The following USP14 variants were observed in gnomAD, a reference collection of about 807,000 sequenced individuals.
USP14 encodes the protein ubiquitin specific peptidase 14.
A neutral mutation model predicts 76.5 loss-of-function variants in USP14; 38 were observed. The ratio of observed to expected loss-of-function variants is 0.50; its 90% CI spans 0.38 to 0.65. The LOEUF is 0.65. Ranked by LOEUF, USP14 falls within the 30% of genes least tolerant of loss-of-function variation. USP14 has a pLI of 0.00. For synonymous variants in USP14, 192 were observed against 191.7 expected (o/e 1.00, Z -0.01); for missense variants, 467 against 586.5 (o/e 0.80, Z 2.10).
Position 158,674 on chromosome 18 carries a change from C to A in USP14, c.-25C>A. The A allele has an allele frequency of 6.6e-7, 1 of 1,518,666 alleles. No individual in the cohort carries two copies. Among genetic ancestry groups the A allele is most frequent in the Non-Finnish European group, 8.8e-7 (1 of 1,141,154 alleles). The allele number at this position is 1,518,666 out of a possible 1,614,324, so 94.1% of individuals were successfully genotyped here. A position where few individuals can be genotyped will look rare whatever the true frequency, so the allele number is the denominator to read the frequency against. On this transcript the variant is annotated 5_prime_UTR_variant, in exon 1 of 16. Coordinates refer to ENST00000261601, the MANE Select transcript of USP14 (RefSeq NM_005151.4). The stretch of plus-strand genomic sequence containing the variant: ...CCTCGTCAGGCCCAGCTCTCCTGCG[C>A]CGCCGCCTCCCGCCGCGCCCCGCCA...
intron 6 of USP14, among the ~76,000 whole-genome samples, chr18:196,158 T>TA (rs555174074): frequency 1.3e-4 from 20 of 151,358 alleles, no homozygotes; most frequent in African/African-American, 4.8e-4. Context: ...CTGTCTCTAC[T>TA]AAAAAAAATG....
chr18:197,575 C>G, intron 7 of USP14, 41 bp from the exon 8 acceptor site: 1 of 1,498,762 alleles, frequency 6.7e-7, no homozygotes, highest in Middle Eastern at 1.7e-4. Flanking sequence ...GTAGATCATT[C>G]ACTGCCAGGA....
chr18:182,865 A>G (rs1342618750), intron 5 of USP14, among the ~76,000 whole-genome samples: 1 of 152,172 alleles, frequency 6.6e-6, no homozygotes, highest in Non-Finnish European at 1.5e-5. Context: ...CTGGAGAAGG[A>G]TGGATGTAGA....
rs555067192 is a variant in USP14, at chr18:164,971, G to C, written c.162+1518G>C. Among the ~76,000 whole-genome samples, 314 of 151,920 alleles carry C rather than the reference G, an allele frequency of 2.1e-3. 2 individuals carry two copies. The highest frequency in any genetic ancestry group is 6.9e-3 in the African/African-American group (285 of 41,462). On this transcript the variant is annotated intron_variant, in intron 2 of 15. Coordinates refer to ENST00000261601, the MANE Select transcript of USP14 (RefSeq NM_005151.4). ...TATTATTATTATTTTTTTTGGGATT[G>C]AGTCTCCCTCTGTCACTCAGGGGCT...
chr18:190,462 AC>A (rs1223442101), intron 5 of USP14, among the ~76,000 whole-genome samples: 6 of 152,068 alleles, frequency 3.9e-5, no homozygotes, highest in African/African-American at 1.4e-4. Flanking sequence ...TTCCACATCC[AC>A]CCCCAAGAGT....
chr18:186,911 A>G (rs1010254497), intron 5 of USP14, among the ~76,000 whole-genome samples: 1 of 152,212 alleles, frequency 6.6e-6, no homozygotes, highest in Admixed American at 6.5e-5. Flanking sequence ...ATTCTGCAGT[A>G]CATCTTGATG....
rs531428163 is a variant in USP14 at position 214,199 on chromosome 18, T to G, written c.*2915T>G. 2 of 160,510 alleles carry G rather than the reference T, an allele frequency of 1.2e-5. No homozygotes were observed. The highest frequency in any genetic ancestry group is 4.8e-5 in the African/African-American group (2 of 41,572). 9.9% of individuals were successfully genotyped at this position (160,510 alleles called of 1,614,324 possible). A position where few individuals can be genotyped will look rare whatever the true frequency, so the allele number is the denominator to read the frequency against. Reference sequence around the variant, plus strand: ...GCAGGCAGAACAAACCATCATTTGTTGATCCTCTGCTTGAAAGCACGAATA... The same window carrying G: ...GCAGGCAGAACAAACCATCATTTGTGGATCCTCTGCTTGAAAGCACGAATA... On this transcript the variant is annotated 3_prime_UTR_variant, in exon 16 of 16. Transcript: ENST00000261601.
chr18:203,822 T>C lies in USP14; in HGVS notation c.1035+632T>C, dbSNP rs146923144. ...AGATGGGGTTTCACCGTGGTCTCAATCTCCTGACCTCTTGATCCGCCCGCT... is the reference window on the plus strand; with the variant it reads ...AGATGGGGTTTCACCGTGGTCTCAACCTCCTGACCTCTTGATCCGCCCGCT... On this transcript the variant is annotated intron_variant, in intron 12 of 15. Transcript: ENST00000261601. 6.0e-3 allele frequency among the ~76,000 whole-genome samples: 918 copies of C among 152,132 alleles called. 4 individuals carry two copies. The highest frequency in any genetic ancestry group is 0.02 in the African/African-American group (850 of 41,524).
intron 3 of USP14, among the ~76,000 whole-genome samples, chr18:170,557 C>T (rs908649184): frequency 1.3e-5 from 2 of 152,106 alleles, no homozygotes; most frequent in African/African-American, 2.4e-5. Flanking sequence ...AGTGTTACTG[C>T]AATGAACACA....
At chr18:187,619 G>A (rs533010534) in intron 5 of USP14, among the ~76,000 whole-genome samples, 4 of 152,030 alleles carry the variant, frequency 2.6e-5, no homozygotes, top group African/African-American at 7.2e-5. Flanking sequence ...TTTTTTTCAC[G>A]TGTTTTATTT....
At chr18:180,374 C>G (rs1372527900) in intron 5 of USP14, 35 bp downstream of exon 5, 2 of 1,333,606 alleles carry the variant, frequency 1.5e-6, no homozygotes, top group South Asian at 1.3e-5. Context: ...AAGGGATGTT[C>G]ACATTTGGAT....
chr18:187,892 G>T (rs1909976371), intron 5 of USP14, among the ~76,000 whole-genome samples: 1 of 152,036 alleles, frequency 6.6e-6, no homozygotes, highest in African/African-American at 2.4e-5. Context: ...TTATGATTAT[G>T]ATTTATGATA....
In USP14 at chr18:204,806, A is replaced by G. The variant is rs149604092; in HGVS notation, c.1164+114A>G. 3.3e-4 allele frequency: 382 copies of G among 1,149,120 alleles called. 4 individuals are homozygous for G. In the East Asian group the frequency reaches 7.6e-3, roughly 23 times the overall value. 71.2% of individuals were successfully genotyped at this position (1,149,120 alleles called of 1,614,324 possible). A position where few individuals can be genotyped will look rare whatever the true frequency, so the allele number is the denominator to read the frequency against. On this transcript the variant is annotated intron_variant, in intron 13 of 15. Transcript: ENST00000261601. Reference sequence around the variant, plus strand: ...TTTTTCCTTCAGAACTATACTTTGTATAGTATTATTTGGATCAATCTGTAT... The same window carrying G: ...TTTTTCCTTCAGAACTATACTTTGTGTAGTATTATTTGGATCAATCTGTAT...
intron 10 of USP14, among the ~76,000 whole-genome samples, chr18:200,939 C>T (rs1411658874): frequency 6.6e-6 from 1 of 152,000 alleles, no homozygotes; most frequent in African/African-American, 2.4e-5. Flanking sequence ...GTAGCTGGGA[C>T]TACAGGTGCG....
chr18:180,347 T>C lies in USP14; in HGVS notation c.404+8T>C. The C allele has an allele frequency of 6.4e-7, 1 of 1,573,680 alleles. No individual in the cohort carries two copies. The highest frequency in any genetic ancestry group is 8.6e-7 in the Non-Finnish European group (1 of 1,159,304). ...CAAAGATGCCCTTAAAAGGTAAGAC[T>C]GCAGTCTTTTTTGGGTAAGGGATGT... On this transcript the variant is annotated splice_region_variant and intron_variant, in intron 5 of 15. Coordinates refer to ENST00000261601, the MANE Select transcript of USP14 (RefSeq NM_005151.4).
chr18:196,937 T>TGAA (rs1357546462), intron 7 of USP14, among the ~76,000 whole-genome samples, 170 bp downstream of exon 7: 15 of 152,346 alleles, frequency 9.8e-5, no homozygotes, highest in Non-Finnish European at 1.6e-4. Flanking sequence ...ATCTGGCTTC[T>TGAA]GCCTTTGCCC....
chr18:170,513 A>G (rs1909413255), intron 3 of USP14, among the ~76,000 whole-genome samples: 1 of 152,208 alleles, frequency 6.6e-6, no homozygotes, highest in Non-Finnish European at 1.5e-5. Context: ...CCAGTTTTCA[A>G]AGGAAATTTA....
At chr18:197,743 T>A (rs1399685395) in intron 8 of USP14, 47 bp downstream of exon 8, 1 of 1,292,816 alleles carries the variant, frequency 7.7e-7, no homozygotes, top group Non-Finnish European at 1.0e-6. Context: ...ATACCTTGAT[T>A]TTTTTTTTTA....
rs1035386777 is a variant in USP14 at position 158,846 on chromosome 18, C to T, written c.16+132C>T. 4.8e-6 allele frequency: 6 copies of T among 1,238,128 alleles called. No homozygotes were observed. In the African/African-American group the frequency reaches 9.5e-5, roughly 20 times the overall value. 76.7% of individuals were successfully genotyped at this position (1,238,128 alleles called of 1,614,324 possible). A position where few individuals can be genotyped will look rare whatever the true frequency, so the allele number is the denominator to read the frequency against. On this transcript the variant is annotated intron_variant, in intron 1 of 15. Coordinates refer to ENST00000261601, the MANE Select transcript of USP14 (RefSeq NM_005151.4). ...GGTGGGGTGCGCGGGGCCGGCGGCGCGGAGATGACCCAGGCACCGTCCCCT... is the reference window on the plus strand; with the variant it reads ...GGTGGGGTGCGCGGGGCCGGCGGCGTGGAGATGACCCAGGCACCGTCCCCT...
Sources: gnomAD v4.1 joint callset for allele counts (sites outside exome capture counted in the v4.1 genomes callset) on GRCh38, gnomAD v4.1.1 for gene constraint, MANE v1.5 for transcripts, NCBI Gene and HGNC (gene_info 2026-07-23, HGNC 2026-07-21) for gene names.